The following MAGI2 variants were observed in gnomAD, a reference collection of about 807,000 sequenced individuals.
MAGI2 encodes the protein membrane associated guanylate kinase, WW and PDZ domain containing 2, also known as membrane-associated guanylate kinase, WW and PDZ domain-containing protein 2.
Under a neutral mutation model 133.3 loss-of-function variants are expected in MAGI2, and 35 were observed. The observed-to-expected ratio is 0.26, with a 90% CI of 0.20 to 0.35. The LOEUF is 0.35. Among genes scored for constraint, MAGI2 ranks in the 10% least tolerant of loss-of-function variants. The pLI, the probability that MAGI2 is intolerant of heterozygous loss-of-function variation, is 1.00. For missense variants in MAGI2, 1,636 were observed against 1,863.4 expected, an observed-to-expected ratio of 0.88 and a Z score of 2.25; for synonymous variants, 729 against 710.6, an observed-to-expected ratio of 1.03 and a Z score of -0.41.
At chr7:78,295,373 C>T (rs969755286) in intron 9 of MAGI2, among the ~76,000 whole-genome samples, 1 of 152,168 alleles carries the variant, frequency 6.6e-6, no homozygotes, top group African/African-American at 2.4e-5. Context: ...CTTAGACTAA[C>T]AGGAGAATAA....
chr7:78,749,607 G>C (rs1042460771), intron 2 of MAGI2, among the ~76,000 whole-genome samples: 3 of 152,128 alleles, frequency 2.0e-5, no homozygotes, highest in Non-Finnish European at 4.4e-5. Context: ...GGGGAGCGTT[G>C]GTTGATGAAA....
At chr7:78,631,132 T>C (rs186219932) in intron 2 of MAGI2, among the ~76,000 whole-genome samples, 80 of 152,340 alleles carry the variant, frequency 5.3e-4, no homozygotes, top group African/African-American at 1.9e-3. Context: ...CCCTCACTAG[T>C]GGCAAATCTG....
intron 2 of MAGI2, among the ~76,000 whole-genome samples, chr7:78,715,344 T>C (rs1819598823): frequency 6.6e-6 from 1 of 152,218 alleles, no homozygotes; most frequent in Non-Finnish European, 1.5e-5. Flanking sequence ...TGCTTCTTAC[T>C]GTCTAGAATA....
intron 1 of MAGI2, among the ~76,000 whole-genome samples, chr7:79,145,151 A>G (rs2129546500): frequency 6.6e-6 from 1 of 152,306 alleles, no homozygotes; most frequent in South Asian, 2.1e-4. Flanking sequence ...ACTACTTCCT[A>G]GAAAATTGAT....
chr7:79,400,261 G>A (rs1038232648), intron 1 of MAGI2, among the ~76,000 whole-genome samples: 2 of 151,964 alleles, frequency 1.3e-5, no homozygotes, highest in African/African-American at 4.8e-5. Context: ...TCAACTTTCT[G>A]TTGTTTGTAT....
intron 2 of MAGI2, among the ~76,000 whole-genome samples, chr7:78,780,310 C>T (rs1328987697): frequency 6.6e-6 from 1 of 152,194 alleles, no homozygotes; most frequent in Admixed American, 6.5e-5. Context: ...ACAGTGCTAG[C>T]CACCTCCAGC....
At chr7:79,336,628 T>C (rs2129095838) in intron 1 of MAGI2, among the ~76,000 whole-genome samples, 1 of 152,274 alleles carries the variant, frequency 6.6e-6, no homozygotes, top group African/African-American at 2.4e-5. Flanking sequence ...ATTTTAATGC[T>C]AACAGTGGCT....
chr7:78,470,155 G>A (rs1477587158), intron 6 of MAGI2, among the ~76,000 whole-genome samples: 1 of 152,048 alleles, frequency 6.6e-6, no homozygotes, highest in East Asian at 1.9e-4. Flanking sequence ...CAAGTCTCTA[G>A]CACAGTGCCT....
At chr7:78,908,348 A>C (rs1242445220) in intron 2 of MAGI2, among the ~76,000 whole-genome samples, 3 of 152,224 alleles carry the variant, frequency 2.0e-5, no homozygotes, top group African/African-American at 7.2e-5. Flanking sequence ...CATTTCATGG[A>C]ATTGTCTCTT....
chr7:78,973,651 G>A (rs1803979682), intron 2 of MAGI2, among the ~76,000 whole-genome samples: 1 of 151,192 alleles, frequency 6.6e-6, no homozygotes, highest in Non-Finnish European at 1.5e-5. Flanking sequence ...TTTTCTAGTT[G>A]TCTTTCTTTC....
chr7:79,002,917 T>C (rs994644332), intron 2 of MAGI2, among the ~76,000 whole-genome samples: 1 of 151,122 alleles, frequency 6.6e-6, no homozygotes, highest in African/African-American at 2.4e-5. Flanking sequence ...CTTGTTTTTT[T>C]TTTTTTTAGA....
chr7:78,275,378 C>T (rs1299868466), intron 9 of MAGI2, among the ~76,000 whole-genome samples: 2 of 152,186 alleles, frequency 1.3e-5, no homozygotes, highest in Non-Finnish European at 2.9e-5. Flanking sequence ...TGGAGCTGTT[C>T]CTATTTGGCC....
At chr7:79,399,079 C>CTTTTCTTTT (rs1585840184) in intron 1 of MAGI2, among the ~76,000 whole-genome samples, 18 of 114,594 alleles carry the variant, frequency 1.6e-4, no homozygotes, top group East Asian at 1.5e-3. Context: ...AGTATTATTT[C>CTTTTCTTTT]TTTTTTTTTT....
intron 1 of MAGI2, among the ~76,000 whole-genome samples, chr7:79,287,265 C>T (rs866220367): frequency 1.3e-5 from 2 of 152,102 alleles, no homozygotes; most frequent in Non-Finnish European, 2.9e-5. Flanking sequence ...CTGGTTTGAA[C>T]AGCAATGCAG....
chr7:78,697,949 T>C (rs1817683189), intron 2 of MAGI2, among the ~76,000 whole-genome samples: 1 of 152,220 alleles, frequency 6.6e-6, no homozygotes, highest in African/African-American at 2.4e-5. Context: ...GGATTTTCTA[T>C]TGTACATGTG....
intron 1 of MAGI2, among the ~76,000 whole-genome samples, chr7:79,074,587 C>T (rs1219547953): frequency 1.3e-5 from 2 of 152,142 alleles, no homozygotes; most frequent in Admixed American, 1.3e-4. Context: ...GTTTACTCAG[C>T]TCAAATGGTT....
At chr7:78,580,165 G>A (rs1802687877) in intron 3 of MAGI2, among the ~76,000 whole-genome samples, 1 of 152,042 alleles carries the variant, frequency 6.6e-6, no homozygotes, top group Non-Finnish European at 1.5e-5. Flanking sequence ...CAAAAATAAG[G>A]GAAATTATTT....
At chr7:78,564,783 C>CTTT (rs35069216) in intron 3 of MAGI2, among the ~76,000 whole-genome samples, 679 of 64,356 alleles carry the variant, frequency 0.011, 162 homozygotes, top group East Asian at 0.035. Flanking sequence ...CTTTGACATT[C>CTTT]TTTTTTTTTT....
At chr7:78,077,725 GTTTT>G (rs538030969) in intron 21 of MAGI2, among the ~76,000 whole-genome samples, 17 of 101,242 alleles carry the variant, frequency 1.7e-4, no homozygotes, top group African/African-American at 6.4e-4. Flanking sequence ...TCTTTAGAAT[GTTTT>G]TTTTTTTTTT....
Sources: gnomAD v4.1 joint callset for allele counts (sites outside exome capture counted in the v4.1 genomes callset) on GRCh38, gnomAD v4.1.1 for gene constraint, MANE v1.5 for transcripts, NCBI Gene and HGNC (gene_info 2026-07-23, HGNC 2026-07-21) for gene names.